The following ZFHX3 variants were observed in gnomAD, a reference collection of about 807,000 sequenced individuals.
The protein encoded by ZFHX3 is zinc finger homeobox 3.
A neutral mutation model predicts 279.1 loss-of-function variants in ZFHX3; 42 were observed. That is an observed-to-expected ratio of 0.15 (90% confidence interval 0.12 to 0.19). The LOEUF is 0.19. Among genes scored for constraint, ZFHX3 ranks in the 10% least tolerant of loss-of-function variants. The pLI is 1.00. For missense variants in ZFHX3, 4,981 were observed against 4,754.0 expected, an observed-to-expected ratio of 1.05 and a Z score of -1.40; for synonymous variants, 2,293 against 1,957.8, an observed-to-expected ratio of 1.17 and a Z score of -4.52.
At chr16:73,488,388 G>A (rs558164932) in intron 2 of ZFHX3, among the ~76,000 whole-genome samples, 33 of 152,288 alleles carry the variant, frequency 2.2e-4, no homozygotes, top group African/African-American at 6.3e-4. Context: ...AAAGGAAGGC[G>A]AGAGTGATGG....
intron 5 of ZFHX3, among the ~76,000 whole-genome samples, chr16:73,224,793 G>A (rs2012541073): frequency 6.6e-6 from 1 of 152,146 alleles, no homozygotes. Context: ...CTGGCACAAG[G>A]TCAAAAAGGA....
At chr16:73,017,229 A>G (rs1361637731) in intron 1 of ZFHX3, among the ~76,000 whole-genome samples, 1 of 148,706 alleles carries the variant, frequency 6.7e-6, no homozygotes, top group African/African-American at 2.5e-5. Flanking sequence ...CAAGACTCCC[A>G]TCTCGAAAAA....
At chr16:73,078,492 G>A (rs1199008047) in intron 8 of ZFHX3, among the ~76,000 whole-genome samples, 1 of 152,114 alleles carries the variant, frequency 6.6e-6, no homozygotes, top group Non-Finnish European at 1.5e-5. Context: ...ACAGGTCACA[G>A]CTTGGTATTT....
chr16:73,064,010 C>G (rs1252648078), upstream of ZFHX3, among the ~76,000 whole-genome samples: 1 of 152,090 alleles, frequency 6.6e-6, no homozygotes, highest in African/African-American at 2.4e-5. Flanking sequence ...GCACCGTGCC[C>G]ACAAAAGGCG....
intron 7 of ZFHX3, chr16:73,123,204 AT>A (rs1175512896): frequency 2.0e-4 from 17 of 84,614 alleles, no homozygotes; most frequent in African/African-American, 4.9e-4. Context: ...CATGTGGTAG[AT>A]TAAAAAAAAA....
intron 7 of ZFHX3, among the ~76,000 whole-genome samples, chr16:72,810,558 A>G (rs1220574800): frequency 6.6e-5 from 10 of 152,242 alleles, no homozygotes; most frequent in Admixed American, 6.5e-4. Context: ...TATTTTGAAA[A>G]GTTTTTATAT....
At chr16:73,476,339 A>G (rs913846628) in intron 2 of ZFHX3, among the ~76,000 whole-genome samples, 5 of 152,184 alleles carry the variant, frequency 3.3e-5, no homozygotes, top group Admixed American at 1.3e-4. Flanking sequence ...CAATTTACAG[A>G]TTTATTTATA....
chr16:72,793,867 C>T lies in ZFHX3; in HGVS notation c.8815G>A (p.Asp2939Asn). Residue 2939 changes from aspartate to asparagine, a missense_variant, in exon 9 of 10, where the codon GAC (aspartate) becomes AAC (asparagine). By Grantham distance (23) the Asp-to-Asn change is conservative. This residue lies in a region of ZFHX3 where 168 missense variants were observed against 249.1 expected (regional missense o/e 0.67). Transcript: ENST00000268489. This position sits in a 1 kb window ranked among gnomAD's most constrained non-coding sequence, Gnocchi z 4.3. The part of the protein sequence containing the change: ...GASGSAGKSG[D>N]SGDRPGQKRF... The stretch of plus-strand genomic sequence containing the variant: ...TTCTGCCCAGGCCGATCTCCGCTGT[C>T]ACCAGATTTGCCTGCAGATCCACTC... 2.5e-6 allele frequency: 4 copies of T among 1,614,160 alleles called. No individual in the cohort carries two copies. The highest frequency in any genetic ancestry group is 3.4e-6 in the Non-Finnish European group (4 of 1,180,030).
chr16:73,483,578 A>C, intron 2 of ZFHX3: 1 of 339,854 alleles, frequency 2.9e-6, no homozygotes, highest in Non-Finnish European at 5.8e-6. Flanking sequence ...ACAAGGGCCT[A>C]CCAGACCCTG....
intron 5 of ZFHX3, among the ~76,000 whole-genome samples, chr16:73,241,361 G>T (rs962052666): frequency 6.6e-6 from 1 of 152,078 alleles, no homozygotes; most frequent in Non-Finnish European, 1.5e-5. Context: ...ATTCTAAAAC[G>T]CAATGCTACC....
intron 2 of ZFHX3, among the ~76,000 whole-genome samples, chr16:73,666,616 T>C (rs1217877439): frequency 6.6e-6 from 1 of 151,960 alleles, no homozygotes; most frequent in East Asian, 1.9e-4. Flanking sequence ...TAGTCACACT[T>C]GCTGAAGTAT....
intron 5 of ZFHX3, among the ~76,000 whole-genome samples, chr16:72,822,635 T>G (rs1455606134): frequency 6.6e-6 from 1 of 152,200 alleles, no homozygotes; most frequent in Non-Finnish European, 1.5e-5. Context: ...GGCCACTCTG[T>G]AAGAATAATA....
intron 3 of ZFHX3, among the ~76,000 whole-genome samples, chr16:73,448,648 G>C (rs1275100908): frequency 1.3e-5 from 2 of 151,482 alleles, no homozygotes; most frequent in East Asian, 3.9e-4. Flanking sequence ...AGAGAAACAT[G>C]AATGTGCCTT....
chr16:73,368,090 C>T (rs970523918), intron 3 of ZFHX3, among the ~76,000 whole-genome samples: 1 of 152,134 alleles, frequency 6.6e-6, no homozygotes. Context: ...AGGCTGGTCT[C>T]AAACTCCTGA....
At chr16:73,391,706 T>C (rs374566783) in intron 3 of ZFHX3, among the ~76,000 whole-genome samples, 31 of 152,210 alleles carry the variant, frequency 2.0e-4, no homozygotes, top group Middle Eastern at 3.4e-3. Context: ...GGGAGGGACA[T>C]CTGGAAGCAA....
intron 2 of ZFHX3, among the ~76,000 whole-genome samples, chr16:73,662,352 T>C (rs1469702837): frequency 6.6e-6 from 1 of 152,214 alleles, no homozygotes; most frequent in Non-Finnish European, 1.5e-5. Context: ...AAATATTAAA[T>C]ATCCATGACC....
chr16:72,895,127 G>A lies in ZFHX3; in HGVS notation c.3217-5165C>T, dbSNP rs141557463. Reference sequence around the variant, plus strand: ...ACAACACGAGACACTGCATGCACGCGCACACACATGTGAGCACACACATGC... The same window carrying A: ...ACAACACGAGACACTGCATGCACGCACACACACATGTGAGCACACACATGC... On this transcript the variant is annotated intron_variant, in intron 3 of 9. Transcript: ENST00000268489. Among the ~76,000 whole-genome samples, 1,269 of 152,244 alleles carry A rather than the reference G, an allele frequency of 8.3e-3. 15 individuals are homozygous for A. Among genetic ancestry groups the A allele is most frequent in the African/African-American group, 0.029 (1,193 of 41,552 alleles).
chr16:73,587,153 C>T (rs943359865), intron 2 of ZFHX3, among the ~76,000 whole-genome samples: 2 of 152,114 alleles, frequency 1.3e-5, no homozygotes, highest in Non-Finnish European at 2.9e-5. Context: ...AGAGGCCCAA[C>T]TCTGTTTCGA....
chr16:73,856,463 G>A (rs575340026), intron 1 of ZFHX3, among the ~76,000 whole-genome samples: 14 of 152,276 alleles, frequency 9.2e-5, no homozygotes, highest in African/African-American at 3.1e-4. Flanking sequence ...TTCTTTCTTA[G>A]AGGATTTCAA....
Sources: allele counts gnomAD v4.1 joint callset (sites outside exome capture counted in the v4.1 genomes callset), GRCh38; gene constraint gnomAD v4.1.1; regional missense constraint gnomAD v4.1.1; non-coding constraint Gnocchi (gnomAD v3.1); transcripts MANE v1.5; gene names NCBI Gene and HGNC (gene_info 2026-07-23, HGNC 2026-07-21).